Variants in SLC1A2 observed in about 807,000 individuals in gnomAD.
The protein encoded by SLC1A2 is solute carrier family 1 member 2.
In SLC1A2, 15 loss-of-function variants were observed where a neutral mutation model predicts 48.8. That is an observed-to-expected ratio of 0.31 (90% confidence interval 0.21 to 0.47). The LOEUF is 0.47. SLC1A2 is among the 20% of genes least tolerant of loss of function. SLC1A2 has a pLI of 0.99. For missense variants in SLC1A2, 502 were observed against 730.5 expected, an observed-to-expected ratio of 0.69 and a Z score of 3.61; for synonymous variants, 279 against 272.6, an observed-to-expected ratio of 1.02 and a Z score of -0.23.
rs565773971 is a variant in SLC1A2, at chr11:35,398,493, G to GAAGT, written c.17+20456_17+20457insACTT. Among the ~76,000 whole-genome samples the GAAGT allele has an allele frequency of 1.9e-3, 296 of 152,284 alleles. 1 individual carries two copies. Among genetic ancestry groups the GAAGT allele is most frequent in the African/African-American group, 7.0e-3 (293 of 41,570 alleles). On this transcript the variant is annotated intron_variant, in intron 1 of 10. Coordinates refer to ENST00000278379, the MANE Select transcript of SLC1A2 (RefSeq NM_004171.4). ...TATGGACACAAAGAAGAGAACAACAGACACTGGGGTCTACTTGAGGGTGGA... is the reference window on the plus strand; with the variant it reads ...TATGGACACAAAGAAGAGAACAACAGAAGTACACTGGGGTCTACTTGAGGGTGGA...
chr11:35,354,536 C>T (rs1853385997), intron 1 of SLC1A2, among the ~76,000 whole-genome samples: 1 of 152,140 alleles, frequency 6.6e-6, no homozygotes, highest in Non-Finnish European at 1.5e-5. Flanking sequence ...CCACCTCTTC[C>T]AACGTTTCTC....
intron 4 of SLC1A2, among the ~76,000 whole-genome samples, chr11:35,308,282 T>C (rs1851576753): frequency 6.6e-6 from 1 of 152,118 alleles, no homozygotes; most frequent in Non-Finnish European, 1.5e-5. Context: ...TATGTTTGAC[T>C]CCAGAAATCC....
At chr11:35,291,905 T>A (rs1851021522) in intron 7 of SLC1A2, 1 of 184,842 alleles carries the variant, frequency 5.4e-6, no homozygotes, top group South Asian at 1.2e-4. Flanking sequence ...GAGTAATATT[T>A]TGTGATAGCA....
At chr11:35,322,782 G>T in intron 1 of SLC1A2, 1 of 748,410 alleles carries the variant, frequency 1.3e-6, no homozygotes, top group Non-Finnish European at 2.3e-6. Context: ...ATCAGCTCGA[G>T]CACCAAGAAC....
intron 6 of SLC1A2, among the ~76,000 whole-genome samples, chr11:35,295,861 G>A (rs1025197443): frequency 7.9e-5 from 12 of 152,216 alleles, no homozygotes; most frequent in African/African-American, 1.7e-4. Flanking sequence ...GAATTCAGTC[G>A]GTGTCCAGGT....
intron 9 of SLC1A2, among the ~76,000 whole-genome samples, chr11:35,277,527 AT>A (rs2134668487): frequency 6.6e-6 from 1 of 152,272 alleles, no homozygotes; most frequent in South Asian, 2.1e-4. Flanking sequence ...ACTCAAAGGC[AT>A]TTGTATTATA....
At chr11:35,397,957 T>A (rs1342048942) in intron 1 of SLC1A2, among the ~76,000 whole-genome samples, 1 of 152,206 alleles carries the variant, frequency 6.6e-6, no homozygotes, top group East Asian at 1.9e-4. Context: ...TTCTTCTTTC[T>A]CCCAGTCTTT....
intron 9 of SLC1A2, among the ~76,000 whole-genome samples, chr11:35,280,198 G>C (rs536114968): frequency 1.6e-4 from 25 of 151,972 alleles, no homozygotes; most frequent in African/African-American, 6.0e-4. Flanking sequence ...GTCGCACTCT[G>C]TCCCCTAGGC....
chr11:35,269,576 G>A (rs563444659), intron 9 of SLC1A2, among the ~76,000 whole-genome samples: 30 of 152,304 alleles, frequency 2.0e-4, no homozygotes, highest in Admixed American at 8.5e-4. Context: ...TCAAGTGGTT[G>A]ACATAAGTTT....
intron 1 of SLC1A2, among the ~76,000 whole-genome samples, chr11:35,343,257 G>A (rs149198649): frequency 9.6e-4 from 146 of 152,372 alleles, no homozygotes; most frequent in African/African-American, 3.4e-3. Flanking sequence ...GGCTAGGACC[G>A]ACTGGACCCA....
rs145517271 is a variant in SLC1A2, at chr11:35,262,327, T to C, written c.1654-1362A>G. On this transcript the variant is annotated intron_variant, in intron 10 of 10. Coordinates refer to ENST00000278379, the MANE Select transcript of SLC1A2 (RefSeq NM_004171.4). ...GACAGCACTTGGGGGGAAGTGTTTT[T>C]GTTTTGTTTTTTTGTTTGTAAATAC... 2.9e-3 allele frequency among the ~76,000 whole-genome samples: 436 copies of C among 152,326 alleles called. 3 individuals are homozygous for C. The highest frequency in any genetic ancestry group is 9.9e-3 in the African/African-American group (411 of 41,568).
In SLC1A2 at chr11:35,254,977, G is replaced by T. The variant is rs1008747145; in HGVS notation, c.*5917C>A. 2.7e-5 allele frequency: 8 copies of T among 301,622 alleles called. No individual in the cohort carries two copies. The highest frequency in any genetic ancestry group is 5.2e-5 in the Non-Finnish European group (8 of 153,012). The allele number at this position is 301,622 out of a possible 1,614,324, so 18.7% of individuals were successfully genotyped here. On this transcript the variant is annotated 3_prime_UTR_variant, in exon 11 of 11. Transcript: ENST00000278379. ...AGGGGCATCTCTCACTTTTCTACAG[G>T]TTCTTATCTGGGTCAATGAAGAAAT...
rs191926978 is a variant in SLC1A2 at position 35,350,161 on chromosome 11, T to G, written c.18-32645A>C. Reference sequence around the variant, plus strand: ...CCAGGAAATGCCAGAGGCCCACTACTGGTTTTTAGAAAGTACAGACTAAAA... The same window carrying G: ...CCAGGAAATGCCAGAGGCCCACTACGGGTTTTTAGAAAGTACAGACTAAAA... On this transcript the variant is annotated intron_variant, in intron 1 of 10. Coordinates refer to ENST00000278379, the MANE Select transcript of SLC1A2 (RefSeq NM_004171.4). 5.1e-3 allele frequency among the ~76,000 whole-genome samples: 778 copies of G among 152,340 alleles called. 3 individuals carry two copies. The highest frequency in any genetic ancestry group is 7.1e-3 in the Non-Finnish European group (485 of 68,022).
chr11:35,341,487 TA>T (rs751753462), intron 1 of SLC1A2, among the ~76,000 whole-genome samples: 2 of 152,204 alleles, frequency 1.3e-5, no homozygotes, highest in South Asian at 4.1e-4. Context: ...AATTTAAAAA[TA>T]TTTTTTTAAA....
rs187236771 is a variant in SLC1A2, at chr11:35,314,313, C to T, written c.310+710G>A. ...CCTAGCATTTCATTTATTTTTAATG[C>T]CAATCTCCCTCAATTCCCAATTAAA... On this transcript the variant is annotated intron_variant, in intron 3 of 10. Transcript: ENST00000278379. Among the ~76,000 whole-genome samples the T allele has an allele frequency of 3.3e-5, 5 of 152,236 alleles. No individual in the cohort carries two copies. The East Asian group carries it at 9.6e-4, about 29-fold the overall frequency.
upstream of SLC1A2, chr11:35,420,135 A>ATAT (rs1855743423): frequency 6.7e-6 from 1 of 148,944 alleles, no homozygotes; most frequent in East Asian, 2.1e-4. Flanking sequence ...GGAGGCCGGG[A>ATAT]TTTTTTTTTT....
chr11:35,309,566 C>A (rs949513901), intron 4 of SLC1A2, among the ~76,000 whole-genome samples: 4 of 152,196 alleles, frequency 2.6e-5, no homozygotes, highest in Non-Finnish European at 1.5e-5. Flanking sequence ...GCAAACCAGG[C>A]CCTGTCGCCT....
chr11:35,274,482 A>G (rs1237227779), intron 9 of SLC1A2, among the ~76,000 whole-genome samples: 1 of 152,218 alleles, frequency 6.6e-6, no homozygotes, highest in Non-Finnish European at 1.5e-5. Flanking sequence ...ATAAGCCCCT[A>G]AAATCTTCAA....
chr11:35,264,120 A>T (rs956266527), intron 10 of SLC1A2: 2 of 152,190 alleles, frequency 1.3e-5, no homozygotes, highest in African/African-American at 4.8e-5. Context: ...AACTTGTGCA[A>T]TTGCCTCTTG....
Sources: gnomAD v4.1 joint callset for allele counts (sites outside exome capture counted in the v4.1 genomes callset) on GRCh38, gnomAD v4.1.1 for gene constraint, MANE v1.5 for transcripts, NCBI Gene and HGNC (gene_info 2026-07-23, HGNC 2026-07-21) for gene names.